TTC12: variants seen among roughly 807,000 people sequenced by gnomAD.
TTC12 encodes the protein tetratricopeptide repeat protein 12.
In TTC12, 70 loss-of-function variants were observed where a neutral mutation model predicts 90.1. The ratio of observed to expected loss-of-function variants is 0.78; its 90% confidence interval spans 0.64 to 0.95. TTC12 has a LOEUF of 0.95. Ranked by LOEUF, TTC12 falls within the 40% of genes least tolerant of loss-of-function variation. TTC12 has a pLI of 0.00. For synonymous variants in TTC12, 296 were observed against 311.5 expected (o/e 0.95, Z 0.53); for missense variants, 819 against 846.1 (o/e 0.97, Z 0.40).
At chr11:113,340,617 C>T (rs782608181) in intron 10 of TTC12, 47 bp from the exon 11 acceptor site, 1 of 1,496,834 alleles carries the variant, frequency 6.7e-7, no homozygotes, top group Non-Finnish European at 9.3e-7. Context: ...GAGACACCAG[C>T]CAGCCAGTTT....
chr11:113,334,489 T>A (rs1382966159), intron 7 of TTC12, among the ~76,000 whole-genome samples: 2 of 152,132 alleles, frequency 1.3e-5, no homozygotes, highest in Non-Finnish European at 2.9e-5. Context: ...GCTGTTTTCT[T>A]AGAGTAAGTT....
chr11:113,323,222 C>T (rs1344226853), intron 2 of TTC12, 66 bp from the exon 3 acceptor site: 1 of 1,279,006 alleles, frequency 7.8e-7, no homozygotes. Flanking sequence ...TATGCACCAT[C>T]CTTTCTAGTG....
At chr11:113,339,207 A>G in intron 9 of TTC12, 79 bp from the exon 10 acceptor site, 1 of 1,234,242 alleles carries the variant, frequency 8.1e-7, no homozygotes, top group Non-Finnish European at 1.1e-6. Context: ...CTCAAAAGAA[A>G]GGAAAAAAAA....
In TTC12 at chr11:113,366,234, T is replaced by C; in HGVS notation, c.2052T>C (p.Ala684=). The part of the protein sequence containing the change: ...KLCTAEPRFA[A]QLRKLHGLEI... The stretch of plus-strand genomic sequence containing the variant: ...GTTTTGATTGTGACAGATTTGCTGC[T>C]CAACTGAGAAAGCTTCATGGCCTAG... Residue 684 remains alanine (A), a synonymous_variant, in exon 22 of 22, where the codon GCT becomes GCC. Transcript: ENST00000529221. 2 of 1,613,380 alleles carry C rather than the reference T, an allele frequency of 1.2e-6. No homozygotes were observed. Among genetic ancestry groups the C allele is most frequent in the Non-Finnish European group, 1.7e-6 (2 of 1,180,020 alleles).
chr11:113,348,297 G>T (rs1213417001), intron 13 of TTC12, among the ~76,000 whole-genome samples: 1 of 152,120 alleles, frequency 6.6e-6, no homozygotes, highest in Non-Finnish European at 1.5e-5. Flanking sequence ...AAGTGACCTG[G>T]CTCTCCCTCA....
chr11:113,366,183 C>T lies in TTC12; in HGVS notation c.2043-42C>T, dbSNP rs150421348. The T allele has an allele frequency of 1.2e-3, 1,869 of 1,606,814 alleles. 2 individuals carry two copies. Among genetic ancestry groups the T allele is most frequent in the Admixed American group, 1.3e-3 (80 of 59,998 alleles). ...GGCTCTGGGCTCCAGAAGCCTGAAC[C>T]GTGGCACTTATGCCCTGGGTTGTTT... On this transcript the variant is annotated intron_variant, in intron 21 of 21. Coordinates refer to ENST00000529221, the MANE Select transcript of TTC12 (RefSeq NM_017868.4).
At chr11:113,329,332 A>T (rs1464443494) in intron 6 of TTC12, among the ~76,000 whole-genome samples, 1 of 152,198 alleles carries the variant, frequency 6.6e-6, no homozygotes, top group African/African-American at 2.4e-5. Flanking sequence ...GGTAGACTCC[A>T]GAATCCAGCT....
intron 16 of TTC12, among the ~76,000 whole-genome samples, chr11:113,357,581 A>T (rs1555152929): frequency 6.6e-6 from 1 of 152,136 alleles, no homozygotes; most frequent in African/African-American, 2.4e-5. Context: ...AATCTTTGAG[A>T]TTGCTGACCT....
At position 113,360,051 on chromosome 11, in the gene TTC12, C is replaced by CTTGTT. The variant is rs71060300; in HGVS notation, c.1614+66_1614+70dup. 4.8e-4 allele frequency: 502 copies of CTTGTT among 1,054,410 alleles called. 4 individuals are homozygous for CTTGTT. The highest frequency in any genetic ancestry group is 2.3e-3 in the African/African-American group (153 of 66,364). 65.3% of individuals were successfully genotyped at this position (1,054,410 alleles called of 1,614,324 possible). On this transcript the variant is annotated intron_variant, in intron 18 of 21. Transcript: ENST00000529221. ...AAATCCAGAAGCAGCTTCCATTGTT[C>CTTGTT]TTGTTTTGTTTTGTTTTGTTTTGTT...
At chr11:113,343,474 T>A (rs1948787878) in intron 12 of TTC12, among the ~76,000 whole-genome samples, 1 of 152,208 alleles carries the variant, frequency 6.6e-6, no homozygotes, top group South Asian at 2.1e-4. Flanking sequence ...ACACATAGGA[T>A]CCTGTAGTCC....
intron 1 of TTC12, among the ~76,000 whole-genome samples, chr11:113,315,570 A>G (rs1946882628): frequency 6.6e-6 from 1 of 152,236 alleles, no homozygotes. Flanking sequence ...TGTATATTTA[A>G]CAATCTTCCC....
chr11:113,324,111 C>A, intron 4 of TTC12, 96 bp downstream of exon 4: 3 of 989,884 alleles, frequency 3.0e-6, no homozygotes, highest in Non-Finnish European at 4.7e-6. Context: ...TGCCTTTGAG[C>A]TTACAAACAA....
downstream of TTC12, chr11:113,368,184 C>G (rs1181851499): frequency 6.9e-7 from 1 of 1,446,962 alleles, no homozygotes; most frequent in African/African-American, 1.4e-5. Flanking sequence ...TTTATTGTTC[C>G]AGAGTGCCTG....
chr11:113,369,542 A>T (rs1950326733), downstream of TTC12, among the ~76,000 whole-genome samples: 1 of 152,018 alleles, frequency 6.6e-6, no homozygotes, highest in South Asian at 2.1e-4. Flanking sequence ...CTTTACAGGT[A>T]AATAAGATAA....
intron 14 of TTC12, 139 bp from the exon 15 acceptor site, chr11:113,351,100 T>C: frequency 1.5e-6 from 1 of 654,166 alleles, no homozygotes; most frequent in Non-Finnish European, 2.5e-6. Flanking sequence ...TGCTTTTTTC[T>C]TTTTTTGGTT....
chr11:113,343,460 G>A (rs1948787342), intron 12 of TTC12, among the ~76,000 whole-genome samples: 2 of 152,158 alleles, frequency 1.3e-5, no homozygotes, highest in South Asian at 4.1e-4. Context: ...TTGATATGTG[G>A]GCTACACATA....
Position 113,360,018 on chromosome 11 carries a change from T to A in TTC12, c.1614+10T>A. 1 of 1,564,718 alleles carries A rather than the reference T, an allele frequency of 6.4e-7. No individual in the cohort carries two copies. The highest frequency in any genetic ancestry group is 1.4e-5 in the African/African-American group (1 of 72,352). On this transcript the variant is annotated intron_variant, in intron 18 of 21. Transcript: ENST00000529221. ...TGGAGGAATCCTGACAGTAAGTTTCTCCCAGGGAAATCCAGAAGCAGCTTC... is the reference window on the plus strand; with the variant it reads ...TGGAGGAATCCTGACAGTAAGTTTCACCCAGGGAAATCCAGAAGCAGCTTC...
At chr11:113,372,587 C>T (rs1454468654) in intron 21 of TTC12, among the ~76,000 whole-genome samples, 1 of 152,178 alleles carries the variant, frequency 6.6e-6, no homozygotes, top group African/African-American at 2.4e-5. Context: ...GCTATAGATG[C>T]ATTCCGTATA....
intron 21 of TTC12, among the ~76,000 whole-genome samples, chr11:113,372,761 T>C (rs891551871): frequency 6.6e-6 from 1 of 152,194 alleles, no homozygotes; most frequent in Non-Finnish European, 1.5e-5. Flanking sequence ...AGCCTTAAAG[T>C]AGGCTTGGTT....
Sources: gnomAD v4.1 joint callset for allele counts (sites outside exome capture counted in the v4.1 genomes callset) on GRCh38, gnomAD v4.1.1 for gene constraint, MANE v1.5 for transcripts, NCBI Gene and HGNC (gene_info 2026-07-23, HGNC 2026-07-21) for gene names.